SDK2: variants seen among roughly 807,000 people sequenced by gnomAD.
The protein encoded by SDK2 is protein sidekick-2.
Under a neutral mutation model 253.9 loss-of-function variants are expected in SDK2, and 105 were observed. The observed-to-expected ratio is 0.41, with a 90% CI of 0.35 to 0.49. The LOEUF (loss-of-function observed/expected upper bound fraction) is 0.49. Among genes scored for constraint, SDK2 ranks in the 20% least tolerant of loss-of-function variants. The pLI, the probability that SDK2 is intolerant of heterozygous loss-of-function variation, is 0.06. For synonymous variants in SDK2, 1,249 were observed against 1,234.9 expected (o/e 1.01, Z -0.24); for missense variants, 2,608 against 3,003.0 (o/e 0.87, Z 3.07).
At chr17:73,630,155 C>A (rs2046250340) in intron 1 of SDK2, among the ~76,000 whole-genome samples, 1 of 151,914 alleles carries the variant, frequency 6.6e-6, no homozygotes, top group African/African-American at 2.4e-5. Context: ...AGGAGAAGCA[C>A]CTTCTCTTCA....
At chr17:73,621,163 C>T (rs533630165) in intron 1 of SDK2, among the ~76,000 whole-genome samples, 1 of 152,152 alleles carries the variant, frequency 6.6e-6, no homozygotes, top group Non-Finnish European at 1.5e-5. Context: ...ATAGATGATG[C>T]CTAAATCTCT....
At chr17:73,636,781 G>A (rs533137574) in intron 1 of SDK2, among the ~76,000 whole-genome samples, 79 of 151,040 alleles carry the variant, frequency 5.2e-4, no homozygotes, top group African/African-American at 1.8e-3. Flanking sequence ...TACCAGAGAA[G>A]AAAAGCCGTC....
At chr17:73,449,806 C>G (rs2063479028) in intron 4 of SDK2, among the ~76,000 whole-genome samples, 1 of 151,850 alleles carries the variant, frequency 6.6e-6, no homozygotes, top group Non-Finnish European at 1.5e-5. Flanking sequence ...GCCTGTAATC[C>G]CAGCTACTCG....
intron 29 of SDK2, among the ~76,000 whole-genome samples, chr17:73,389,154 A>ACAC (rs1021720272): frequency 2.7e-5 from 4 of 146,994 alleles, no homozygotes; most frequent in Non-Finnish European, 4.5e-5. Flanking sequence ...CTACAGATGT[A>ACAC]CACCACCACA....
intron 1 of SDK2, among the ~76,000 whole-genome samples, chr17:73,598,473 C>CA (rs2143033293): frequency 6.6e-6 from 1 of 152,318 alleles, no homozygotes; most frequent in African/African-American, 2.4e-5. Context: ...AAATCCATAA[C>CA]ACGGACAGTG....
intron 1 of SDK2, among the ~76,000 whole-genome samples, chr17:73,548,334 C>T (rs1433538319): frequency 6.6e-6 from 1 of 152,190 alleles, no homozygotes; most frequent in Non-Finnish European, 1.5e-5. Context: ...GATTCTGTCA[C>T]CCAGCTGGTG....
At chr17:73,464,268 G>T (rs183002036) in intron 3 of SDK2, among the ~76,000 whole-genome samples, 1 of 152,140 alleles carries the variant, frequency 6.6e-6, no homozygotes, top group Admixed American at 6.5e-5. Flanking sequence ...AATCATGGGG[G>T]TGGTTCCCCC....
chr17:73,442,002 T>G (rs1248319664), intron 5 of SDK2, among the ~76,000 whole-genome samples: 1 of 152,278 alleles, frequency 6.6e-6, no homozygotes, highest in African/African-American at 2.4e-5. Flanking sequence ...TTGTCAACTT[T>G]TGCTTAGAAA....
chr17:73,626,867 A>G (rs1246941406), intron 1 of SDK2, among the ~76,000 whole-genome samples: 1 of 152,118 alleles, frequency 6.6e-6, no homozygotes, highest in Admixed American at 6.6e-5. Context: ...ATGAGCTTGG[A>G]CCTGCTGTGC....
chr17:73,383,453 G>A lies in SDK2; in HGVS notation c.4705+423C>T, dbSNP rs2062848407. Among the ~76,000 whole-genome samples, 1 of 152,198 alleles carries A rather than the reference G, an allele frequency of 6.6e-6. No individual in the cohort carries two copies. The highest frequency in any genetic ancestry group is 2.1e-4 in the South Asian group (1 of 4,828). Reference sequence around the variant, plus strand: ...GAGGCTTCTGGTCCCTCAAGGGCAGGGTGCTCCTTCTCATGCACCGGGCTG... The same window carrying A: ...GAGGCTTCTGGTCCCTCAAGGGCAGAGTGCTCCTTCTCATGCACCGGGCTG... On this transcript the variant is annotated intron_variant, in intron 33 of 44. Coordinates refer to ENST00000392650, the MANE Select transcript of SDK2 (RefSeq NM_001144952.2). The surrounding 1 kb of genome is among the most constrained non-coding windows in gnomAD (Gnocchi z 4.3).
chr17:73,528,508 C>T (rs1226285772), intron 1 of SDK2, among the ~76,000 whole-genome samples: 3 of 152,154 alleles, frequency 2.0e-5, no homozygotes, highest in African/African-American at 4.8e-5. Flanking sequence ...CACTTGGGAG[C>T]GAGCAGTGGA....
chr17:73,499,859 C>CTGTG (rs59872387), intron 2 of SDK2, among the ~76,000 whole-genome samples: 8 of 145,718 alleles, frequency 5.5e-5, no homozygotes, highest in African/African-American at 1.8e-4. Context: ...GCATGGGAAT[C>CTGTG]TGTGTGTGTG....
At chr17:73,575,206 C>T (rs146143716) in intron 1 of SDK2, among the ~76,000 whole-genome samples, 14 of 152,236 alleles carry the variant, frequency 9.2e-5, no homozygotes, top group East Asian at 3.9e-4. Flanking sequence ...CTCAATGGGG[C>T]GAATGACACC....
intron 30 of SDK2, among the ~76,000 whole-genome samples, chr17:73,387,412 A>G (rs2062881711): frequency 6.6e-6 from 1 of 152,296 alleles, no homozygotes; most frequent in African/African-American, 2.4e-5. Flanking sequence ...GTATTGCTCA[A>G]AACTCCCGGT....
chr17:73,525,751 G>C (rs576459167), intron 1 of SDK2, among the ~76,000 whole-genome samples: 1 of 151,960 alleles, frequency 6.6e-6, no homozygotes, highest in Non-Finnish European at 1.5e-5. Flanking sequence ...ACCCAAGAAG[G>C]CTCCCCCCTA....
intron 40 of SDK2, 106 bp downstream of exon 40, chr17:73,357,973 A>G: frequency 6.6e-7 from 1 of 1,521,608 alleles, no homozygotes; most frequent in Non-Finnish European, 9.0e-7. Context: ...TAGTAGCACA[A>G]GCGCCTTCTC....
intron 36 of SDK2, chr17:73,369,349 C>G (rs573736315): frequency 3.8e-6 from 1 of 265,864 alleles, no homozygotes; most frequent in Non-Finnish European, 8.0e-6. Flanking sequence ...ACCCCGGGCC[C>G]GCTGCACCAG....
At chr17:73,411,985 C>CGT (rs1568389031) in intron 18 of SDK2, among the ~76,000 whole-genome samples, 2 of 12,454 alleles carry the variant, frequency 1.6e-4, no homozygotes, top group African/African-American at 3.4e-4. Context: ...TATATATCTA[C>CGT]GTATATATAT....
chr17:73,623,478 G>A (rs2046159383), intron 1 of SDK2, among the ~76,000 whole-genome samples: 1 of 152,194 alleles, frequency 6.6e-6, no homozygotes, highest in Admixed American at 6.5e-5. Context: ...GAAGGAGTGA[G>A]GGGGAGGAGG....
Sources: gnomAD v4.1 joint callset for allele counts (sites outside exome capture counted in the v4.1 genomes callset) on GRCh38, gnomAD v4.1.1 for gene constraint, Gnocchi (gnomAD v3.1) non-coding constraint, MANE v1.5 for transcripts, NCBI Gene and HGNC (gene_info 2026-07-23, HGNC 2026-07-21) for gene names.